The following EYA2 variants were observed in gnomAD, a reference collection of about 807,000 sequenced individuals.
The protein encoded by EYA2 is protein phosphatase EYA2.
EYA2 carries 31 observed loss-of-function variants against 69.2 expected under a neutral mutation model. The ratio of observed to expected loss-of-function variants is 0.45; its 90% CI spans 0.34 to 0.60. The LOEUF (loss-of-function observed/expected upper bound fraction) is 0.60, where lower values mean the gene tolerates loss of function less well. Ranked by LOEUF, EYA2 falls within the 20% of genes least tolerant of loss-of-function variation. The pLI is 0.02. For synonymous variants in EYA2, 257 were observed against 279.4 expected, an observed-to-expected ratio of 0.92 and a Z score of 0.80; for missense variants, 622 against 701.2, an observed-to-expected ratio of 0.89 and a Z score of 1.28.
intron 1 of EYA2, among the ~76,000 whole-genome samples, chr20:46,980,501 CAT>C (rs1263912678): frequency 2.0e-5 from 3 of 152,096 alleles, no homozygotes; most frequent in Non-Finnish European, 4.4e-5. Flanking sequence ...AATAGATGGA[CAT>C]ATTTTCAGGG....
At chr20:47,094,411 TG>T (rs2032185851) in intron 8 of EYA2, among the ~76,000 whole-genome samples, 1 of 152,170 alleles carries the variant, frequency 6.6e-6, no homozygotes, top group African/African-American at 2.4e-5. Flanking sequence ...AGCATATATA[TG>T]CACATAAATA....
chr20:46,945,430 G>A (rs906021049), intron 1 of EYA2, among the ~76,000 whole-genome samples: 1 of 152,298 alleles, frequency 6.6e-6, no homozygotes. Flanking sequence ...AGCCTCTCTT[G>A]TACCTCAGGT....
At chr20:46,934,586 C>G (rs904144442) in intron 1 of EYA2, among the ~76,000 whole-genome samples, 1 of 152,094 alleles carries the variant, frequency 6.6e-6, no homozygotes, top group East Asian at 1.9e-4. Flanking sequence ...GAGAGGCTCT[C>G]CAAGGGAAAG....
chr20:47,073,494 TGG>T (rs71183228), intron 6 of EYA2, among the ~76,000 whole-genome samples: 1 of 121,534 alleles, frequency 8.2e-6, no homozygotes, highest in African/African-American at 3.5e-5. Flanking sequence ...GTGTGTGTCG[TGG>T]GGGGGGGGTG....
intron 5 of EYA2, among the ~76,000 whole-genome samples, chr20:47,037,323 A>G (rs958572941): frequency 1.3e-5 from 2 of 152,188 alleles, no homozygotes; most frequent in Admixed American, 6.5e-5. Context: ...GAATTCCCCT[A>G]CTCATCAGCA....
intron 5 of EYA2, among the ~76,000 whole-genome samples, chr20:47,018,429 A>G (rs1196796723): frequency 6.6e-6 from 1 of 152,242 alleles, no homozygotes; most frequent in Non-Finnish European, 1.5e-5. Context: ...TAATCAATTG[A>G]CAAGTAGATA....
intron 10 of EYA2, among the ~76,000 whole-genome samples, chr20:47,148,023 T>TCCGC (rs1339173653): frequency 0.16 from 22,289 of 142,542 alleles, 1,871 homozygotes; most frequent in African/African-American, 0.2. Context: ...CGCCCCACTG[T>TCCGC]ACTCCAGCCT....
intron 5 of EYA2, among the ~76,000 whole-genome samples, chr20:47,054,875 A>G (rs2030528174): frequency 6.6e-6 from 1 of 152,236 alleles, no homozygotes; most frequent in South Asian, 2.1e-4. Context: ...ATATTTTTAC[A>G]GGAATTTATT....
intron 12 of EYA2, among the ~76,000 whole-genome samples, chr20:47,175,698 T>C (rs1483702156): frequency 6.6e-6 from 1 of 152,118 alleles, no homozygotes; most frequent in Non-Finnish European, 1.5e-5. Flanking sequence ...CTTCCCAGCG[T>C]GGAGCAAAGT....
chr20:47,142,465 G>T (rs569778561), intron 9 of EYA2, among the ~76,000 whole-genome samples: 1 of 152,364 alleles, frequency 6.6e-6, no homozygotes, highest in African/African-American at 2.4e-5. Context: ...GAATGACTTC[G>T]TTTGTATAAT....
intron 1 of EYA2, among the ~76,000 whole-genome samples, chr20:46,967,918 A>G (rs1039529369): frequency 2.0e-5 from 3 of 152,218 alleles, no homozygotes; most frequent in Non-Finnish European, 4.4e-5. Flanking sequence ...TTGCAGGCCA[A>G]CAGAAGCTCG....
At chr20:46,920,897 G>A (rs1311362725) in intron 1 of EYA2, among the ~76,000 whole-genome samples, 1 of 152,172 alleles carries the variant, frequency 6.6e-6, no homozygotes, top group African/African-American at 2.4e-5. Flanking sequence ...ATCTCTTCAT[G>A]GGCTCTGCTC....
rs369605120 is a variant in EYA2, at chr20:47,026,851, A to G, written c.415+10554A>G. ...GATCCCAAGGAGACCACATCTTTCCATTTTTCAAAGTGATCCCTAAAACTC... is the reference window on the plus strand; with the variant it reads ...GATCCCAAGGAGACCACATCTTTCCGTTTTTCAAAGTGATCCCTAAAACTC... On this transcript the variant is annotated intron_variant, in intron 5 of 15. Coordinates refer to ENST00000327619, the MANE Select transcript of EYA2 (RefSeq NM_005244.5). Among the ~76,000 whole-genome samples, 387 of 152,244 alleles carry G rather than the reference A, an allele frequency of 2.5e-3. 2 individuals are homozygous for G. The highest frequency in any genetic ancestry group is 9.0e-3 in the African/African-American group (372 of 41,546).
intron 7 of EYA2, among the ~76,000 whole-genome samples, chr20:47,086,322 C>T (rs1269820222): frequency 6.6e-6 from 1 of 152,126 alleles, no homozygotes; most frequent in Admixed American, 6.5e-5. Flanking sequence ...CCCATCTCTA[C>T]TAAAAATATA....
At chr20:47,092,513 G>C (rs1311165612) in intron 8 of EYA2, among the ~76,000 whole-genome samples, 2 of 152,150 alleles carry the variant, frequency 1.3e-5, no homozygotes, top group African/African-American at 4.8e-5. Context: ...AAGTTGCAGA[G>C]CTTCGAAAAC....
chr20:46,941,370 A>G (rs1383210194), intron 1 of EYA2, among the ~76,000 whole-genome samples: 2 of 152,200 alleles, frequency 1.3e-5, no homozygotes, highest in Non-Finnish European at 2.9e-5. Flanking sequence ...TCCTAAGTCG[A>G]TTCCCGGCTC....
At chr20:47,182,472 T>C (rs2034555702) in intron 14 of EYA2, among the ~76,000 whole-genome samples, 1 of 149,354 alleles carries the variant, frequency 6.7e-6, no homozygotes, top group South Asian at 2.1e-4. Flanking sequence ...GTACTAAAAA[T>C]AAAAAAATTA....
chr20:46,927,846 A>C (rs969650173), intron 1 of EYA2, among the ~76,000 whole-genome samples: 2 of 152,212 alleles, frequency 1.3e-5, no homozygotes, highest in African/African-American at 4.8e-5. Context: ...GTCACCTATA[A>C]AATACGAGTC....
intron 1 of EYA2, among the ~76,000 whole-genome samples, chr20:46,986,403 G>GATCTATATAATATCTATATATAATATAA (rs1555809574): frequency 1.5e-5 from 2 of 134,854 alleles, no homozygotes; most frequent in Non-Finnish European, 3.1e-5. Context: ...ATAATATATA[G>GATCTATATAATATCTATATATAATATAA]ATCTATATAA....
Sources: gnomAD v4.1 joint callset for allele counts (sites outside exome capture counted in the v4.1 genomes callset) on GRCh38, gnomAD v4.1.1 for gene constraint, MANE v1.5 for transcripts, NCBI Gene and HGNC (gene_info 2026-07-23, HGNC 2026-07-21) for gene names.